The following PPP3CB variants were observed in gnomAD, a reference collection of about 807,000 sequenced individuals.
PPP3CB encodes serine/threonine-protein phosphatase 2B catalytic subunit beta isoform.
In PPP3CB, 8 loss-of-function variants were observed where a neutral mutation model predicts 66.4. That is an observed-to-expected ratio of 0.12 (90% CI 0.07 to 0.22). The LOEUF (loss-of-function observed/expected upper bound fraction) is 0.22, where lower values mean the gene tolerates loss of function less well. Ranked by LOEUF, PPP3CB falls within the 10% of genes least tolerant of loss-of-function variation. PPP3CB has a pLI of 1.00. For synonymous variants in PPP3CB, 208 were observed against 221.2 expected (o/e 0.94, Z 0.53); for missense variants, 319 against 642.5 (o/e 0.50, Z 5.44).
chr10:73,457,529 G>T lies in PPP3CB; in HGVS notation c.1109-3040C>A, dbSNP rs907768381. Among the ~76,000 whole-genome samples the T allele has an allele frequency of 4.6e-5, 7 of 152,128 alleles. 1 individual carries two copies. In the East Asian group the frequency reaches 1.4e-3, roughly 29 times the overall value. The stretch of plus-strand genomic sequence containing the variant: ...TGAGCAGGTGGATCACTTGAGACCA[G>T]AAGTTTGAGATCAGCCTTACCAACA... On this transcript the variant is annotated intron_variant, in intron 9 of 13. Transcript: ENST00000360663.
intron 12 of PPP3CB, among the ~76,000 whole-genome samples, chr10:73,441,838 G>A (rs768270107): frequency 6.6e-6 from 1 of 152,122 alleles, no homozygotes; most frequent in Non-Finnish European, 1.5e-5. Context: ...ATAGAGTTGT[G>A]CAGTTTGTAA....
intron 9 of PPP3CB, among the ~76,000 whole-genome samples, chr10:73,455,608 G>A (rs938135567): frequency 8.6e-5 from 13 of 151,908 alleles, no homozygotes; most frequent in African/African-American, 2.7e-4. Context: ...TCTCGCTGTC[G>A]CCCAGGTTGG....
At chr10:73,474,286 C>T (rs1158672028) in intron 4 of PPP3CB, among the ~76,000 whole-genome samples, 1 of 152,056 alleles carries the variant, frequency 6.6e-6, no homozygotes, top group African/African-American at 2.4e-5. Context: ...GGTGATCCAC[C>T]CGCCTCGGCC....
chr10:73,485,832 C>T (rs939239228), intron 1 of PPP3CB, among the ~76,000 whole-genome samples: 1 of 151,856 alleles, frequency 6.6e-6, no homozygotes, highest in African/African-American at 2.4e-5. Context: ...CCCCCACCTC[C>T]CAGGTTCAAG....
chr10:73,485,247 G>A (rs1389612993), intron 1 of PPP3CB, among the ~76,000 whole-genome samples: 1 of 152,066 alleles, frequency 6.6e-6, no homozygotes, highest in Admixed American at 6.6e-5. Flanking sequence ...TTAATGTATG[G>A]TGGCTAAAAA....
intron 4 of PPP3CB, among the ~76,000 whole-genome samples, chr10:73,473,844 T>C (rs930079979): frequency 6.6e-6 from 1 of 151,732 alleles, no homozygotes; most frequent in Non-Finnish European, 1.5e-5. Context: ...CTTAAAACAA[T>C]GATATTTAAA....
chr10:73,478,108 C>A (rs2056820416), intron 3 of PPP3CB, among the ~76,000 whole-genome samples: 1 of 152,040 alleles, frequency 6.6e-6, no homozygotes. Context: ...AGGGCTCAAG[C>A]AATAAAAAAA....
At position 73,461,985 on chromosome 10, in the gene PPP3CB, C is replaced by T. The variant is rs1465314264; in HGVS notation, c.1108+5568G>A. Among the ~76,000 whole-genome samples, 6 of 151,944 alleles carry T rather than the reference C, an allele frequency of 3.9e-5. No individual in the cohort carries two copies. The South Asian group carries it at 1.0e-3, about 26-fold the overall frequency. ...TGTTTTTTAAGTATCTGGCATCTTCCCCCTCGCTCTCTTGCTCCTGCTCTC... is the reference window on the plus strand; with the variant it reads ...TGTTTTTTAAGTATCTGGCATCTTCTCCCTCGCTCTCTTGCTCCTGCTCTC... On this transcript the variant is annotated intron_variant, in intron 9 of 13. Transcript: ENST00000360663.
At chr10:73,464,963 T>A (rs1035625007) in intron 9 of PPP3CB, among the ~76,000 whole-genome samples, 8 of 151,494 alleles carry the variant, frequency 5.3e-5, no homozygotes, top group East Asian at 1.9e-4. Flanking sequence ...AAAAAAAAAA[T>A]TAATAAATGT....
intron 12 of PPP3CB, among the ~76,000 whole-genome samples, chr10:73,443,357 GAAAA>G (rs148308010): frequency 1.4e-5 from 2 of 146,022 alleles, no homozygotes; most frequent in Non-Finnish European, 3.0e-5. Flanking sequence ...AGAGAGAAAA[GAAAA>G]AAAAAGAGCA....
At chr10:73,484,069 TG>T (rs2133001720) in intron 1 of PPP3CB, among the ~76,000 whole-genome samples, 1 of 151,744 alleles carries the variant, frequency 6.6e-6, no homozygotes, top group Non-Finnish European at 1.5e-5. Context: ...TTGAACCTGG[TG>T]GGGTGGAGGT....
chr10:73,444,797 G>A lies in PPP3CB; in HGVS notation c.1294C>T (p.Leu432Phe). 1 of 1,613,528 alleles carries A rather than the reference G, an allele frequency of 6.2e-7. No homozygotes were observed. The highest frequency in any genetic ancestry group is 8.5e-7 in the Non-Finnish European group (1 of 1,180,026). The change falls in exon 12 of 14, where the codon CTC becomes TTC. Residue 432 changes from leucine (L) to phenylalanine (F), a missense_variant. Physicochemically the swap from Leu to Phe is conservative, Grantham distance 22 (BLOSUM62 0). This residue lies in a region of PPP3CB where 120 missense variants were observed against 331.2 expected (regional missense o/e 0.36). Coordinates refer to ENST00000360663, the MANE Select transcript of PPP3CB (RefSeq NM_021132.4). ...LREESESVLT[L>F]KGLTPTGMLP... Reference sequence around the variant, plus strand: ...ATCCCTGTGGGAGTCAGGCCCTTGAGTGTCAGCACACTTTCACTCTCCTCC... The same window carrying A: ...ATCCCTGTGGGAGTCAGGCCCTTGAATGTCAGCACACTTTCACTCTCCTCC...
At chr10:73,447,751 G>A (rs990062736) in intron 10 of PPP3CB, among the ~76,000 whole-genome samples, 1 of 151,982 alleles carries the variant, frequency 6.6e-6, no homozygotes. Context: ...ACATATTTTA[G>A]GGGAAAAAAA....
At chr10:73,447,606 A>C (rs1295277323) in intron 10 of PPP3CB, among the ~76,000 whole-genome samples, 1 of 152,222 alleles carries the variant, frequency 6.6e-6, no homozygotes, top group East Asian at 1.9e-4. Flanking sequence ...AACAACTGTA[A>C]GTCTTCTGGG....
intron 9 of PPP3CB, among the ~76,000 whole-genome samples, chr10:73,461,026 C>T (rs1037369478): frequency 6.6e-6 from 1 of 152,210 alleles, no homozygotes; most frequent in African/African-American, 2.4e-5. Flanking sequence ...GGGCTGCTGC[C>T]CTCCAGAATG....
chr10:73,456,749 A>T (rs574269767), intron 9 of PPP3CB, among the ~76,000 whole-genome samples: 9 of 152,370 alleles, frequency 5.9e-5, no homozygotes, highest in African/African-American at 2.2e-4. Context: ...AAAACGGGCA[A>T]ATCTTTATGA....
Position 73,438,202 on chromosome 10 carries a change from T to G in PPP3CB, c.*40A>C. 3 of 1,587,028 alleles carry G rather than the reference T, an allele frequency of 1.9e-6. No homozygotes were observed. Among genetic ancestry groups the G allele is most frequent in the Non-Finnish European group, 2.6e-6 (3 of 1,159,946 alleles). On this transcript the variant is annotated 3_prime_UTR_variant, in exon 14 of 14. Coordinates refer to ENST00000360663, the MANE Select transcript of PPP3CB (RefSeq NM_021132.4). The stretch of plus-strand genomic sequence containing the variant: ...TCCAGCTCCTCGGGTGATCTGTCCA[T>G]TTGGGGCCCGAGATGTGAGAGTCCC...
intron 9 of PPP3CB, among the ~76,000 whole-genome samples, chr10:73,456,007 A>C (rs2056422271): frequency 6.6e-6 from 1 of 152,280 alleles, no homozygotes; most frequent in South Asian, 2.1e-4. Context: ...CAGGTACTCA[A>C]TAAATATCTA....
chr10:73,493,571 G>A (rs956203209), intron 1 of PPP3CB, among the ~76,000 whole-genome samples: 9 of 152,160 alleles, frequency 5.9e-5, no homozygotes, highest in African/African-American at 1.4e-4. Flanking sequence ...CTGTAAGAAA[G>A]GTGAATTTCC....
Sources: gnomAD v4.1 joint callset for allele counts (sites outside exome capture counted in the v4.1 genomes callset) on GRCh38, gnomAD v4.1.1 for gene constraint, gnomAD v4.1.1 regional missense constraint, MANE v1.5 for transcripts, NCBI Gene and HGNC (gene_info 2026-07-23, HGNC 2026-07-21) for gene names.